TRMT112: variants seen among roughly 807,000 people sequenced by gnomAD.
TRMT112 encodes multifunctional methyltransferase subunit TRM112-like protein.
In TRMT112, 9 loss-of-function variants were observed where a neutral mutation model predicts 13.8. The ratio of observed to expected loss-of-function variants is 0.65; its 90% confidence interval spans 0.39 to 1.14. The LOEUF (loss-of-function observed/expected upper bound fraction) is 1.14. Among genes scored for constraint, TRMT112 ranks in the 50% most tolerant of loss-of-function variants. The pLI, the probability that TRMT112 is intolerant of heterozygous loss-of-function variation, is 0.01. For synonymous variants in TRMT112, 64 were observed against 67.0 expected, an observed-to-expected ratio of 0.96 and a Z score of 0.22; for missense variants, 196 against 165.5, an observed-to-expected ratio of 1.18 and a Z score of -1.01.
chr11:64,318,108 G>C (rs1052442141), upstream of TRMT112: 7 of 1,499,412 alleles, frequency 4.7e-6, no homozygotes, highest in African/African-American at 9.9e-5. Context: ...CAGTGGAGGC[G>C]GCCCAGGCCC....
At chr11:64,317,196 T>C (rs775150607) in intron 2 of TRMT112, 49 bp from the exon 3 acceptor site, 3 of 1,611,818 alleles carry the variant, frequency 1.9e-6, no homozygotes, top group South Asian at 2.2e-5. Context: ...AACTCCCGCC[T>C]CAGCCCGGCT....
chr11:64,317,937 G>A (rs893643634), upstream of TRMT112: 8 of 1,378,116 alleles, frequency 5.8e-6, no homozygotes, highest in African/African-American at 1.5e-5. Context: ...TGTAAATTAG[G>A]CCCATGGAAG....
At chr11:64,318,489 C>G (rs1007957209), upstream of TRMT112, 2 of 1,416,154 alleles carry the variant, frequency 1.4e-6, no homozygotes, top group East Asian at 2.5e-5. Flanking sequence ...TGCCAGACCC[C>G]TCCCCTCCGC....
Position 64,316,651 on chromosome 11 carries a change from G to C in TRMT112, c.*210C>G. 1 of 570,776 alleles carries C rather than the reference G, an allele frequency of 1.8e-6. No homozygotes were observed. The highest frequency in any genetic ancestry group is 2.1e-5 in the South Asian group (1 of 47,030). 35.4% of individuals were successfully genotyped at this position (570,776 alleles called of 1,614,324 possible). On this transcript the variant is annotated 3_prime_UTR_variant, in exon 4 of 4. Coordinates refer to ENST00000544844, the MANE Select transcript of TRMT112 (RefSeq NM_016404.3). ...GGCCCAGAGCCCTTGGCTGTACAGA[G>C]ACTCTATTTTAATGTATATTTGCTG...
At position 64,317,105 on chromosome 11, in the gene TRMT112, C is replaced by T; in HGVS notation, c.223G>A (p.Glu75Lys). Residue 75 changes from glutamate to lysine, a missense_variant, in exon 3 of 4, where the codon GAG becomes AAG. Transcript: ENST00000544844. The stretch of plus-strand genomic sequence containing the variant: ...GTCCTCAGAAACTCCTCATTCTCCT[C>T]ATATCCCTCAACCGGCCCTTTCGGC... ...QVPKGPVEGY[E>K]ENEEFLRTMH... The T allele has an allele frequency of 6.2e-7, 1 of 1,614,200 alleles. No individual in the cohort carries two copies. The highest frequency in any genetic ancestry group is 8.5e-7 in the Non-Finnish European group (1 of 1,180,038).
At chr11:64,317,950 G>A (rs566238550), upstream of TRMT112, 64 of 1,383,838 alleles carry the variant, frequency 4.6e-5, no homozygotes, top group Non-Finnish European at 3.9e-5. Context: ...CATGGAAGCC[G>A]AGCCGCACCT....
chr11:64,316,995 G>A, intron 3 of TRMT112, 27 bp from the exon 4 acceptor site: 7 of 1,612,404 alleles, frequency 4.3e-6, no homozygotes, highest in Non-Finnish European at 5.9e-6. Context: ...ACAGAGCTGA[G>A]CACTGGCAGC....
Position 64,316,796 on chromosome 11 carries a change from CGGAAACAGGGTATA to C in TRMT112, c.*51_*64del, listed in dbSNP as rs1436263700. The C allele has an allele frequency of 4.5e-6, 5 of 1,117,304 alleles. No individual in the cohort carries two copies. The highest frequency in any genetic ancestry group is 5.5e-6 in the Non-Finnish European group (4 of 731,266). The allele number at this position is 1,117,304 out of a possible 1,614,324, so 69.2% of individuals were successfully genotyped here. On this transcript the variant is annotated 3_prime_UTR_variant, in exon 4 of 4. Transcript: ENST00000544844. ...GGTTGGGGATACACACGGCAGAATT[CGGAAACAGGGTATA>C]GATCAACAAAAATACACAGTCATAA...
Position 64,316,984 on chromosome 11 carries a change from G to A in TRMT112, c.271-16C>T, listed in dbSNP as rs998599031. The A allele has an allele frequency of 1.1e-5, 18 of 1,612,690 alleles. No individual in the cohort carries two copies. In the Admixed American group the frequency reaches 2.3e-4, roughly 21 times the overall value. On this transcript the variant is annotated splice_polypyrimidine_tract_variant and intron_variant, in intron 3 of 3. Transcript: ENST00000544844. Reference sequence around the variant, plus strand: ...TCACTTCCACCTGCGGGCAGGGAGGGACAGAGCTGAGCACTGGCAGCCTCA... The same window carrying A: ...TCACTTCCACCTGCGGGCAGGGAGGAACAGAGCTGAGCACTGGCAGCCTCA...
chr11:64,317,580 G>T, upstream of TRMT112: 2 of 1,475,718 alleles, frequency 1.4e-6, no homozygotes, highest in African/African-American at 1.4e-5. Context: ...GTCCTCCGCT[G>T]CCTCACTTCC....
In TRMT112 at chr11:64,316,681, G is replaced by A. The variant is rs1410274107; in HGVS notation, c.*180C>T. On this transcript the variant is annotated 3_prime_UTR_variant, in exon 4 of 4. Transcript: ENST00000544844. ...TATTTTAATGTATATTTGCTGCAAA[G>A]AGAAACCGCTTTTGGTTTTAAACCT... 1.2e-5 allele frequency: 7 copies of A among 608,050 alleles called. No individual in the cohort carries two copies. Among genetic ancestry groups the A allele is most frequent in the African/African-American group, 3.7e-5 (2 of 53,760 alleles). 37.7% of individuals were successfully genotyped at this position (608,050 alleles called of 1,614,324 possible). A position where few individuals can be genotyped will look rare whatever the true frequency, so the allele number is the denominator to read the frequency against.
upstream of TRMT112, chr11:64,318,400 C>T: frequency 2.5e-6 from 4 of 1,596,782 alleles, no homozygotes; most frequent in Non-Finnish European, 1.7e-6. Context: ...ACCGCTGGCC[C>T]GGCCGGGCCT....
At chr11:64,317,758 C>CT (rs45462802), upstream of TRMT112, 152 of 756,940 alleles carry the variant, frequency 2.0e-4, no homozygotes, top group Middle Eastern at 3.6e-4. Context: ...GCACGCCCAG[C>CT]TTTTTTTTGC....
chr11:64,316,777 G>A lies in TRMT112; in HGVS notation c.*84C>T. On this transcript the variant is annotated 3_prime_UTR_variant, in exon 4 of 4. Transcript: ENST00000544844. ...TTGGTGTCATTGGGTCAAGGGTTGGGGATACACACGGCAGAATTCGGAAAC... is the reference window on the plus strand; with the variant it reads ...TTGGTGTCATTGGGTCAAGGGTTGGAGATACACACGGCAGAATTCGGAAAC... The A allele has an allele frequency of 1.1e-6, 1 of 879,092 alleles. No individual in the cohort carries two copies. 54.5% of individuals were successfully genotyped at this position (879,092 alleles called of 1,614,324 possible).
chr11:64,316,754 GGT>G lies in TRMT112; in HGVS notation c.*105_*106del. ...TACCGAGCTCAAAAACACTGTGTTT[GGT>G]GTCATTGGGTCAAGGGTTGGGGATA... On this transcript the variant is annotated 3_prime_UTR_variant, in exon 4 of 4. Transcript: ENST00000544844. 1.3e-6 allele frequency: 1 copy of G among 747,990 alleles called. No individual in the cohort carries two copies. The highest frequency in any genetic ancestry group is 1.7e-5 in the African/African-American group (1 of 57,210). 46.3% of individuals were successfully genotyped at this position (747,990 alleles called of 1,614,324 possible). A position where few individuals can be genotyped will look rare whatever the true frequency, so the allele number is the denominator to read the frequency against.
chr11:64,317,097 A>C lies in TRMT112; in HGVS notation c.231T>G (p.Asn77Lys), dbSNP rs746155499. ...PKGPVEGYEE[N>K]EEFLRTMHHL... ...GGTGCATGGTCCTCAGAAACTCCTCATTCTCCTCATATCCCTCAACCGGCC... is the reference window on the plus strand; with the variant it reads ...GGTGCATGGTCCTCAGAAACTCCTCCTTCTCCTCATATCCCTCAACCGGCC... Residue 77 changes from asparagine to lysine, a missense_variant, in exon 3 of 4, where the codon AAT becomes AAG. Transcript: ENST00000544844. The C allele has an allele frequency of 3.7e-6, 6 of 1,613,894 alleles. No homozygotes were observed.
At chr11:64,318,288 T>A (rs757529407), upstream of TRMT112, 13 of 1,612,350 alleles carry the variant, frequency 8.1e-6, no homozygotes, top group African/African-American at 1.3e-5. Context: ...CGGCGGTCAG[T>A]CTGCGGCAGC....
Position 64,316,865 on chromosome 11 carries a change from C to T in TRMT112, c.374G>A (p.Ser125Asn), listed in dbSNP as rs2035288595. ...AAAAACTGGCGCCTGGCACAATCAA[C>T]TCTCAGTTTCCTCTTCACTCAGCAG... ...NMLLSEEETE[S>N] The change falls in exon 4 of 4, where the codon AGT becomes AAT. Residue 125 changes from serine (S) to asparagine (N), a missense_variant. Coordinates refer to ENST00000544844, the MANE Select transcript of TRMT112 (RefSeq NM_016404.3). 1 of 1,577,740 alleles carries T rather than the reference C, an allele frequency of 6.3e-7. No individual in the cohort carries two copies. The highest frequency in any genetic ancestry group is 8.7e-7 in the Non-Finnish European group (1 of 1,148,526).
In TRMT112 at chr11:64,317,296, C is replaced by G. The variant is rs753553952; in HGVS notation, c.148G>C (p.Glu50Gln). 6.2e-7 allele frequency: 1 copy of G among 1,613,686 alleles called. No individual in the cohort carries two copies. Among genetic ancestry groups the G allele is most frequent in the East Asian group, 2.2e-5 (1 of 44,858 alleles). Residue 50 changes from glutamate to glutamine, a missense_variant, in exon 2 of 4, where the codon GAG becomes CAG. Glu to Gln is a conservative substitution (Grantham distance 29, BLOSUM62 2). Transcript: ENST00000544844. ...GCCGCCTCCAGGAACGCCGACCACT[C>G]CACTTTAGGTATCATACGCGCCACG... ...NFVARMIPKV[E>Q]WSAFLEAADN... is the part of the protein sequence containing the mutation.
Sources: allele counts gnomAD v4.1 joint callset, GRCh38; gene constraint gnomAD v4.1.1; transcripts MANE v1.5; gene names NCBI Gene and HGNC (gene_info 2026-07-23, HGNC 2026-07-21).